BNIP3L: variants seen among roughly 807,000 people sequenced by gnomAD.
The protein encoded by BNIP3L is BCL2/adenovirus E1B 19 kDa protein-interacting protein 3-like.
A neutral mutation model predicts 25.5 loss-of-function variants in BNIP3L; 10 were observed. The observed-to-expected ratio is 0.39, with a 90% confidence interval of 0.24 to 0.67. BNIP3L has a LOEUF of 0.67. Ranked by LOEUF, BNIP3L falls within the 30% of genes least tolerant of loss-of-function variation. The pLI, the probability that BNIP3L is intolerant of heterozygous loss-of-function variation, is 0.45. For synonymous variants in BNIP3L, 113 were observed against 101.2 expected (o/e 1.12, Z -0.70); for missense variants, 215 against 270.9 (o/e 0.79, Z 1.45).
In BNIP3L at chr8:26,383,241, G is replaced by C; in HGVS notation, c.100+11G>C. On this transcript the variant is annotated intron_variant, in intron 1 of 5. Coordinates refer to ENST00000380629, the MANE Select transcript of BNIP3L (RefSeq NM_004331.3). ...CGGCCGGCCTCAACAGTGAGTGCGG[G>C]GCCGAGGCTCTGTGAAGGGGATGGG... is the stretch of plus-strand genomic sequence containing the variant. 1 of 1,602,748 alleles carries C rather than the reference G, an allele frequency of 6.2e-7. No individual in the cohort carries two copies. Among genetic ancestry groups the C allele is most frequent in the Middle Eastern group, 1.7e-4 (1 of 6,048 alleles).
intron 1 of BNIP3L, 45 bp from the exon 2 acceptor site, chr8:26,391,198 A>G (rs781519234): frequency 4.6e-6 from 7 of 1,509,654 alleles, no homozygotes; most frequent in East Asian, 4.7e-5. Flanking sequence ...TGCACATGAC[A>G]GATTTCAGTT....
At chr8:26,393,941 C>G (rs1389732578) in intron 2 of BNIP3L, among the ~76,000 whole-genome samples, 3 of 152,202 alleles carry the variant, frequency 2.0e-5, no homozygotes, top group Non-Finnish European at 4.4e-5. Flanking sequence ...TGATAAATTT[C>G]TGACGATCTT....
At chr8:26,407,145 A>T (rs574752919) in intron 3 of BNIP3L, among the ~76,000 whole-genome samples, 1 of 151,724 alleles carries the variant, frequency 6.6e-6, no homozygotes, top group South Asian at 2.1e-4. Context: ...AGCTGGGATT[A>T]CAGGTGCCCG....
At chr8:26,395,497 A>C in intron 3 of BNIP3L, 195 bp downstream of exon 3, 1 of 556,000 alleles carries the variant, frequency 1.8e-6, no homozygotes, top group Non-Finnish European at 3.1e-6. Flanking sequence ...GGGCCCTGTC[A>C]CTCTAAACGA....
intron 1 of BNIP3L, chr8:26,383,470 G>A: frequency 7.6e-7 from 1 of 1,319,908 alleles, no homozygotes. Context: ...CGGTCCGGGA[G>A]CGGCGCGGGT....
intron 5 of BNIP3L, 54 bp from the exon 6 acceptor site, chr8:26,410,310 G>A: frequency 6.2e-7 from 1 of 1,602,444 alleles, no homozygotes; most frequent in Non-Finnish European, 8.5e-7. Flanking sequence ...CTGTGGACAA[G>A]CTGGTATAGA....
In BNIP3L at chr8:26,400,147, C is replaced by G. The variant is rs912904620; in HGVS notation, c.357+4845C>G. On this transcript the variant is annotated intron_variant, in intron 3 of 5. Transcript: ENST00000380629. ...AAAGAACAAAGCTGGAGGCATCACA[C>G]TACCTGACTTCAAACTATACCACAA... 6.7e-4 allele frequency among the ~76,000 whole-genome samples: 101 copies of G among 151,248 alleles called. 2 individuals carry two copies. The highest frequency in any genetic ancestry group is 2.4e-3 in the African/African-American group (99 of 41,386).
chr8:26,409,539 A>G (rs1806574364), intron 5 of BNIP3L, among the ~76,000 whole-genome samples: 1 of 152,180 alleles, frequency 6.6e-6, no homozygotes, highest in Non-Finnish European at 1.5e-5. Context: ...ACAAACAGCA[A>G]CCTAGAAGGG....
chr8:26,406,774 A>G (rs1806508313), intron 3 of BNIP3L, among the ~76,000 whole-genome samples: 1 of 151,306 alleles, frequency 6.6e-6, no homozygotes, highest in Non-Finnish European at 1.5e-5. Context: ...GTAAGCTGTG[A>G]TTGCACTCTG....
rs752952710 is a variant in BNIP3L at position 26,411,020 on chromosome 8, C to T, written c.*608C>T. ...TTTGGAGCCACTTTTTTGTCTAAGC[C>T]TCCTAATAGCGTCTTTTAATTTATA... On this transcript the variant is annotated 3_prime_UTR_variant, in exon 6 of 6. Coordinates refer to ENST00000380629, the MANE Select transcript of BNIP3L (RefSeq NM_004331.3). The T allele has an allele frequency of 1.3e-5, 2 of 152,164 alleles. No homozygotes were observed. Among genetic ancestry groups the T allele is most frequent in the Non-Finnish European group, 2.9e-5 (2 of 68,254 alleles). 9.4% of individuals were successfully genotyped at this position (152,164 alleles called of 1,614,324 possible).
chr8:26,387,907 G>A (rs752784895), intron 1 of BNIP3L, among the ~76,000 whole-genome samples: 3 of 152,044 alleles, frequency 2.0e-5, no homozygotes, highest in Non-Finnish European at 4.4e-5. Context: ...GTTAAAGTAT[G>A]GTATATCTTT....
chr8:26,389,284 A>G (rs766172665), intron 1 of BNIP3L, among the ~76,000 whole-genome samples: 16 of 152,174 alleles, frequency 1.1e-4, no homozygotes, highest in South Asian at 2.1e-4. Flanking sequence ...CTGTTTTTAT[A>G]TACATATTCT....
chr8:26,383,604 C>T (rs572327270), intron 1 of BNIP3L: 8 of 235,964 alleles, frequency 3.4e-5, no homozygotes, highest in East Asian at 3.2e-4. Flanking sequence ...GGACGTGGGC[C>T]GGGATGGGGA....
At chr8:26,386,895 T>C (rs1006356978) in intron 1 of BNIP3L, among the ~76,000 whole-genome samples, 10 of 152,180 alleles carry the variant, frequency 6.6e-5, no homozygotes, top group African/African-American at 2.2e-4. Context: ...TATTTATTTA[T>C]TTTTTTATTT....
chr8:26,404,466 A>C (rs563485856), intron 3 of BNIP3L, among the ~76,000 whole-genome samples: 1 of 152,366 alleles, frequency 6.6e-6, no homozygotes, highest in South Asian at 2.1e-4. Flanking sequence ...TTAAGTGATC[A>C]GAAAACAAAG....
intron 3 of BNIP3L, among the ~76,000 whole-genome samples, chr8:26,400,812 A>G (rs374808518): frequency 1.2e-4 from 13 of 104,570 alleles, no homozygotes; most frequent in East Asian, 3.4e-4. Context: ...AACACATGAA[A>G]AAATGCTCAT....
intron 1 of BNIP3L, 115 bp downstream of exon 1, chr8:26,383,345 T>G: frequency 6.7e-7 from 1 of 1,488,416 alleles, no homozygotes; most frequent in Non-Finnish European, 9.0e-7. Context: ...GGCTCAGGCA[T>G]GGGATGTCCA....
intron 1 of BNIP3L, among the ~76,000 whole-genome samples, chr8:26,388,239 T>C (rs531708144): frequency 6.6e-6 from 1 of 152,342 alleles, no homozygotes; most frequent in African/African-American, 2.4e-5. Context: ...TTCTATGATA[T>C]AGAATATAAT....
chr8:26,387,905 A>G (rs370956915), intron 1 of BNIP3L, among the ~76,000 whole-genome samples: 5 of 152,368 alleles, frequency 3.3e-5, no homozygotes, highest in East Asian at 1.9e-4. Context: ...TGGTTAAAGT[A>G]TGGTATATCT....
Sources: gnomAD v4.1 joint callset for allele counts (sites outside exome capture counted in the v4.1 genomes callset) on GRCh38, gnomAD v4.1.1 for gene constraint, MANE v1.5 for transcripts, NCBI Gene and HGNC (gene_info 2026-07-23, HGNC 2026-07-21) for gene names.